PPP6R3: variants seen among roughly 807,000 people sequenced by gnomAD.
The protein encoded by PPP6R3 is serine/threonine-protein phosphatase 6 regulatory subunit 3.
Under a neutral mutation model 110.7 loss-of-function variants are expected in PPP6R3, and 38 were observed. The observed-to-expected ratio is 0.34, with a 90% CI of 0.26 to 0.45. The LOEUF (loss-of-function observed/expected upper bound fraction) is 0.45, where lower values mean the gene tolerates loss of function less well. Ranked by LOEUF, PPP6R3 falls within the 20% of genes least tolerant of loss-of-function variation. The pLI, the probability that PPP6R3 is intolerant of heterozygous loss-of-function variation, is 1.00. For synonymous variants in PPP6R3, 369 were observed against 373.5 expected (o/e 0.99, Z 0.14); for missense variants, 870 against 1,062.4 (o/e 0.82, Z 2.52).
chr11:68,483,679 A>G (rs2098929459), intron 1 of PPP6R3, among the ~76,000 whole-genome samples: 2 of 152,174 alleles, frequency 1.3e-5, no homozygotes, highest in African/African-American at 4.8e-5. Context: ...ACAGGGTTTC[A>G]CCATGTTGGC....
chr11:68,498,484 A>G (rs1056456244), intron 1 of PPP6R3, among the ~76,000 whole-genome samples: 27 of 152,244 alleles, frequency 1.8e-4, no homozygotes, highest in African/African-American at 6.0e-4. Flanking sequence ...GCAAGCAGCC[A>G]TCACATGTCT....
intron 1 of PPP6R3, among the ~76,000 whole-genome samples, chr11:68,462,690 T>C (rs1295905658): frequency 6.6e-6 from 1 of 152,166 alleles, no homozygotes; most frequent in Non-Finnish European, 1.5e-5. Flanking sequence ...GTCTAGAACA[T>C]TGAACAAAAT....
chr11:68,489,667 A>C (rs2098971568), intron 1 of PPP6R3, among the ~76,000 whole-genome samples: 1 of 150,776 alleles, frequency 6.6e-6, no homozygotes, highest in Non-Finnish European at 1.5e-5. Context: ...TCACTTCATT[A>C]GCATTTTTTT....
At chr11:68,516,925 C>A (rs2099140145) in intron 1 of PPP6R3, among the ~76,000 whole-genome samples, 1 of 151,788 alleles carries the variant, frequency 6.6e-6, no homozygotes. Context: ...TGTTACTTCA[C>A]TTTTTTGTTT....
intron 10 of PPP6R3, among the ~76,000 whole-genome samples, chr11:68,568,409 C>G (rs1386614098): frequency 6.6e-6 from 1 of 152,152 alleles, no homozygotes; most frequent in Non-Finnish European, 1.5e-5. Context: ...AGGAGTTACT[C>G]ATTACTTCTT....
At chr11:68,473,892 T>C (rs560073083) in intron 1 of PPP6R3, among the ~76,000 whole-genome samples, 1 of 152,222 alleles carries the variant, frequency 6.6e-6, no homozygotes, top group Non-Finnish European at 1.5e-5. Context: ...GTAGACATGG[T>C]TTTATTTCTC....
At chr11:68,593,800 C>T (rs1260788248) in intron 18 of PPP6R3, among the ~76,000 whole-genome samples, 1 of 152,164 alleles carries the variant, frequency 6.6e-6, no homozygotes, top group Admixed American at 6.5e-5. Context: ...AGATGGGTTG[C>T]TTGAGCCCAG....
At chr11:68,497,878 A>G (rs534388370) in intron 1 of PPP6R3, among the ~76,000 whole-genome samples, 1 of 151,988 alleles carries the variant, frequency 6.6e-6, no homozygotes, top group Non-Finnish European at 1.5e-5. Flanking sequence ...CTGAGTTTTG[A>G]TTGCCTCATT....
intron 1 of PPP6R3, among the ~76,000 whole-genome samples, chr11:68,481,279 G>A (rs555942925): frequency 1.2e-4 from 19 of 152,306 alleles, no homozygotes; most frequent in Admixed American, 1.2e-3. Context: ...TGACACTCTG[G>A]TGGCAAATCC....
chr11:68,497,781 T>C (rs1051562922), intron 1 of PPP6R3, among the ~76,000 whole-genome samples: 17 of 152,254 alleles, frequency 1.1e-4, no homozygotes, highest in Non-Finnish European at 2.4e-4. Flanking sequence ...ATTTATCTTA[T>C]TTTTCTTTTA....
At chr11:68,534,001 G>C (rs1469356426) in intron 2 of PPP6R3, among the ~76,000 whole-genome samples, 2 of 152,162 alleles carry the variant, frequency 1.3e-5, no homozygotes, top group African/African-American at 2.4e-5. Context: ...CCATGTTTTG[G>C]TTCTGCCATC....
intron 1 of PPP6R3, among the ~76,000 whole-genome samples, chr11:68,475,900 C>T (rs572233036): frequency 0.011 from 1,532 of 142,626 alleles, 9 homozygotes; most frequent in African/African-American, 0.013. Context: ...ACATCTCAGA[C>T]GATGGGCGGC....
intron 5 of PPP6R3, among the ~76,000 whole-genome samples, chr11:68,548,995 ACT>A (rs780317290): frequency 1.3e-5 from 2 of 151,412 alleles, no homozygotes; most frequent in Non-Finnish European, 2.9e-5. Context: ...GGTTCAAGCA[ACT>A]CTCTTGTCTC....
At chr11:68,558,475 A>G in intron 7 of PPP6R3, 91 bp from the exon 8 acceptor site, 1 of 762,602 alleles carries the variant, frequency 1.3e-6, no homozygotes, top group Non-Finnish European at 2.2e-6. Context: ...TGAACTCTTC[A>G]GTGATGCTTG....
chr11:68,591,307 G>A (rs916910111), intron 17 of PPP6R3, among the ~76,000 whole-genome samples: 10 of 152,122 alleles, frequency 6.6e-5, no homozygotes, highest in African/African-American at 2.4e-4. Flanking sequence ...GAGGCTCCTG[G>A]GATTACAATG....
At chr11:68,468,451 C>T (rs1002862788) in intron 1 of PPP6R3, among the ~76,000 whole-genome samples, 1 of 152,162 alleles carries the variant, frequency 6.6e-6, no homozygotes, top group Non-Finnish European at 1.5e-5. Flanking sequence ...AATGACTGTC[C>T]CTTTTCACTG....
intron 2 of PPP6R3, among the ~76,000 whole-genome samples, chr11:68,525,183 C>T (rs527770104): frequency 3.3e-5 from 5 of 152,276 alleles, no homozygotes; most frequent in African/African-American, 1.2e-4. Context: ...AGTTTTTTTC[C>T]ATCTGCAAAA....
chr11:68,474,547 A>C (rs553353980), intron 1 of PPP6R3, among the ~76,000 whole-genome samples: 19 of 152,170 alleles, frequency 1.2e-4, no homozygotes, highest in African/African-American at 4.6e-4. Flanking sequence ...ATCAACCTTG[A>C]TGAGTTTTAT....
At chr11:68,578,221 A>T (rs1322068343) in intron 14 of PPP6R3, among the ~76,000 whole-genome samples, 1 of 152,204 alleles carries the variant, frequency 6.6e-6, no homozygotes, top group Non-Finnish European at 1.5e-5. Context: ...TTCAAGCTGT[A>T]TCTCAGTGGG....
Sources: gnomAD v4.1 joint callset for allele counts (sites outside exome capture counted in the v4.1 genomes callset) on GRCh38, gnomAD v4.1.1 for gene constraint, MANE v1.5 for transcripts, NCBI Gene and HGNC (gene_info 2026-07-23, HGNC 2026-07-21) for gene names.